Variants in GLIS3 observed in about 807,000 individuals in gnomAD.
The protein encoded by GLIS3 is GLIS family zinc finger 3.
A neutral mutation model predicts 78.6 loss-of-function variants in GLIS3; 53 were observed. The observed-to-expected ratio is 0.67, with a 90% CI of 0.54 to 0.85. GLIS3 has a LOEUF of 0.85. Ranked by LOEUF, GLIS3 falls within the 40% of genes least tolerant of loss-of-function variation. The pLI is 0.00. For missense variants in GLIS3, 1,703 were observed against 1,231.1 expected (o/e 1.38, Z -5.74); for synonymous variants, 684 against 509.9 (o/e 1.34, Z -4.60).
At chr9:4,104,124 T>C (rs1586678250) in intron 4 of GLIS3, among the ~76,000 whole-genome samples, 1 of 152,116 alleles carries the variant, frequency 6.6e-6, no homozygotes, top group African/African-American at 2.4e-5. Context: ...TACCTAGAAA[T>C]AGGTGGTCCC....
At chr9:4,174,701 G>C (rs1816669282) in intron 2 of GLIS3, among the ~76,000 whole-genome samples, 1 of 152,158 alleles carries the variant, frequency 6.6e-6, no homozygotes, top group Non-Finnish European at 1.5e-5. Flanking sequence ...GGAAATACTG[G>C]CTTTTAAATC....
intron 4 of GLIS3, among the ~76,000 whole-genome samples, chr9:4,057,940 T>C (rs1364598364): frequency 6.6e-6 from 1 of 152,172 alleles, no homozygotes; most frequent in Non-Finnish European, 1.5e-5. Flanking sequence ...GTAAAGAAAA[T>C]ATAATATTCT....
At chr9:4,197,584 G>A (rs1341017402) in intron 2 of GLIS3, among the ~76,000 whole-genome samples, 2 of 152,204 alleles carry the variant, frequency 1.3e-5, no homozygotes, top group Non-Finnish European at 2.9e-5. Flanking sequence ...TGGTGCTGGT[G>A]CTCGTGCCTG....
chr9:4,364,633 T>C, the GLIS3 span, among the ~76,000 whole-genome samples: 1 of 151,616 alleles, frequency 6.6e-6, no homozygotes, highest in Non-Finnish European at 1.5e-5. Flanking sequence ...AAAATGTTAA[T>C]ACTTTAACAG....
the GLIS3 span, among the ~76,000 whole-genome samples, chr9:4,462,752 G>C: frequency 6.6e-6 from 1 of 152,136 alleles, no homozygotes; most frequent in Admixed American, 6.6e-5. Flanking sequence ...TGAGGCTGCA[G>C]TGAACCATGG....
intron 4 of GLIS3, among the ~76,000 whole-genome samples, chr9:3,944,778 A>T (rs576013): frequency 6.6e-6 from 1 of 152,046 alleles, no homozygotes; most frequent in East Asian, 1.9e-4. Flanking sequence ...ACTGAATACC[A>T]CAGACTGGGT....
the GLIS3 span, among the ~76,000 whole-genome samples, chr9:4,376,265 C>A: frequency 6.6e-6 from 1 of 151,970 alleles, no homozygotes; most frequent in Non-Finnish European, 1.5e-5. Flanking sequence ...GGAAAACTTA[C>A]GAAAGAAAAA....
chr9:4,366,353 C>T, the GLIS3 span, among the ~76,000 whole-genome samples: 7 of 152,062 alleles, frequency 4.6e-5, no homozygotes, highest in African/African-American at 1.7e-4. Flanking sequence ...TACTTTCAAG[C>T]GAATCCAAGG....
intron 6 of GLIS3, among the ~76,000 whole-genome samples, chr9:3,922,697 T>C (rs1162410982): frequency 6.6e-6 from 1 of 151,988 alleles, no homozygotes; most frequent in Non-Finnish European, 1.5e-5. Context: ...GTTCACAAAC[T>C]CTGCTACCAA....
At chr9:4,395,985 G>C in the GLIS3 span, among the ~76,000 whole-genome samples, 54 of 151,890 alleles carry the variant, frequency 3.6e-4, no homozygotes, top group Non-Finnish European at 1.0e-4. Flanking sequence ...TGTTGGCTAG[G>C]ATGGTGTCGA....
rs574128808 is a variant in GLIS3 at position 4,192,822 on chromosome 9, G to A, written c.389-66881C>T. 1.3e-4 allele frequency among the ~76,000 whole-genome samples: 17 copies of A among 125,950 alleles called. No individual in the cohort carries two copies. The South Asian group carries it at 5.0e-3, about 37-fold the overall frequency. The allele number at this position is 125,950 out of a possible 152,430, so 82.6% of individuals were successfully genotyped here. ...AATACAATATTTAAAAAAAAAAAAAGAAGAAGAAGAAAGGAAGAGAGATAA... is the reference window on the plus strand; with the variant it reads ...AATACAATATTTAAAAAAAAAAAAAAAAGAAGAAGAAAGGAAGAGAGATAA... On this transcript the variant is annotated intron_variant, in intron 2 of 10. Transcript: ENST00000381971.
chr9:4,402,358 T>A, the GLIS3 span, among the ~76,000 whole-genome samples: 823 of 152,294 alleles, frequency 5.4e-3, 6 homozygotes, highest in Non-Finnish European at 8.1e-3. Context: ...AGAACAGGCA[T>A]AAACAGGTCC....
chr9:4,125,578 C>A (rs535027472), intron 3 of GLIS3, among the ~76,000 whole-genome samples, 156 bp downstream of exon 3: 3 of 152,080 alleles, frequency 2.0e-5, no homozygotes, highest in Admixed American at 6.6e-5. Context: ...TAGTTTTAGA[C>A]ATATTCCCCT....
At chr9:4,384,418 T>C in the GLIS3 span, among the ~76,000 whole-genome samples, 1 of 152,162 alleles carries the variant, frequency 6.6e-6, no homozygotes, top group Non-Finnish European at 1.5e-5. Context: ...AGCTTTGTGT[T>C]CTTTAACAAG....
the GLIS3 span, among the ~76,000 whole-genome samples, chr9:4,463,149 T>G: frequency 6.6e-6 from 1 of 152,210 alleles, no homozygotes; most frequent in Admixed American, 6.5e-5. Flanking sequence ...ACGCAGTGAA[T>G]ATGTTGGTTG....
At chr9:4,233,075 T>C (rs2131371076) in intron 2 of GLIS3, among the ~76,000 whole-genome samples, 1 of 152,298 alleles carries the variant, frequency 6.6e-6, no homozygotes, top group Non-Finnish European at 1.5e-5. Flanking sequence ...AATGGCCAAT[T>C]ACATAATTTT....
At chr9:4,478,248 G>T in the GLIS3 span, among the ~76,000 whole-genome samples, 1 of 152,152 alleles carries the variant, frequency 6.6e-6, no homozygotes, top group Non-Finnish European at 1.5e-5. Flanking sequence ...GATCATGATT[G>T]TAACTGATTG....
rs576077908 is a variant in GLIS3 at position 4,316,647 on chromosome 9, G to A, written n.265-6119C>T. ...CTAAATGGTCCCAGTGTGAGTAAGC[G>A]TAGGCATGTGTGTGAGTGTGCCCTG... is the stretch of plus-strand genomic sequence containing the variant. On this transcript the variant is annotated intron_variant and non_coding_transcript_variant, in intron 2 of 4. Coordinates refer to the GLIS3 transcript ENST00000471664. 2.8e-4 allele frequency among the ~76,000 whole-genome samples: 43 copies of A among 152,280 alleles called. No individual in the cohort carries two copies. In the South Asian group the frequency reaches 3.9e-3, roughly 14 times the overall value.
At chr9:3,883,392 C>A (rs910741466) in intron 7 of GLIS3, among the ~76,000 whole-genome samples, 3 of 152,246 alleles carry the variant, frequency 2.0e-5, no homozygotes. Context: ...TTCATACAGA[C>A]TTTCCCACCA....
Sources: allele counts gnomAD v4.1 joint callset (sites outside exome capture counted in the v4.1 genomes callset), GRCh38; gene constraint gnomAD v4.1.1; transcripts MANE v1.5; gene names NCBI Gene and HGNC (gene_info 2026-07-23, HGNC 2026-07-21).